Variants in ABCA5 observed in about 807,000 individuals in gnomAD.
ABCA5 encodes ATP binding cassette subfamily A member 5.
In ABCA5, 163 loss-of-function variants were observed where a neutral mutation model predicts 206.0. That is an observed-to-expected ratio of 0.79 (90% CI 0.70 to 0.90). The LOEUF is 0.90. ABCA5 is among the 40% of genes least tolerant of loss of function. ABCA5 has a pLI of 0.00. For synonymous variants in ABCA5, 609 were observed against 613.8 expected (o/e 0.99, Z 0.11); for missense variants, 1,859 against 1,912.9 (o/e 0.97, Z 0.53).
intron 22 of ABCA5, chr17:69,268,646 A>T (rs1488900912): frequency 1.3e-5 from 2 of 152,204 alleles, no homozygotes; most frequent in African/African-American, 2.4e-5. Context: ...AGATTACCCA[A>T]GTCCAAGGAT....
At chr17:69,258,880 A>G (rs2075113437) in intron 28 of ABCA5, among the ~76,000 whole-genome samples, 1 of 152,164 alleles carries the variant, frequency 6.6e-6, no homozygotes, top group African/African-American at 2.4e-5. Flanking sequence ...CATGTAAGCA[A>G]GGCTGGATAG....
chr17:69,300,804 T>G (rs553350778), intron 9 of ABCA5, among the ~76,000 whole-genome samples: 1 of 152,060 alleles, frequency 6.6e-6, no homozygotes, highest in Non-Finnish European at 1.5e-5. Flanking sequence ...AAGAAAATGG[T>G]AGGAGTTACA....
At chr17:69,267,143 G>A (rs2075218488) in intron 23 of ABCA5, among the ~76,000 whole-genome samples, 2 of 152,076 alleles carry the variant, frequency 1.3e-5, no homozygotes, top group South Asian at 4.1e-4. Context: ...CCAAAGTGCT[G>A]GGATTACAGG....
chr17:69,314,611 G>C, intron 1 of ABCA5, 181 bp from the exon 2 acceptor site: 1 of 496,730 alleles, frequency 2.0e-6, no homozygotes, highest in East Asian at 3.3e-5. Flanking sequence ...GCTCTGAAAA[G>C]TAAACAAGGC....
intron 34 of ABCA5, 150 bp from the exon 35 acceptor site, chr17:69,252,016 A>ACTTTTATATTCTTTTTTT (rs71144665): frequency 0.023 from 13,706 of 608,382 alleles, 390 homozygotes; most frequent in Middle Eastern, 0.032. Flanking sequence ...CCCAACTATG[A>ACTTTTATATTCTTTTTTT]TTTTTTTTTT....
chr17:69,310,600 C>T (rs1024216755), intron 3 of ABCA5, among the ~76,000 whole-genome samples: 1 of 152,092 alleles, frequency 6.6e-6, no homozygotes, highest in African/African-American at 2.4e-5. Context: ...ATTGCTTGTT[C>T]CTTTCTTAGA....
chr17:69,273,084 T>C (rs1190481321), intron 20 of ABCA5, among the ~76,000 whole-genome samples: 2 of 152,228 alleles, frequency 1.3e-5, no homozygotes, highest in Non-Finnish European at 2.9e-5. Context: ...GTTTTGAGCT[T>C]TGCTCAAGTC....
chr17:69,251,704 C>G, intron 35 of ABCA5, 43 bp downstream of exon 35: 1 of 1,580,516 alleles, frequency 6.3e-7, no homozygotes, highest in East Asian at 2.3e-5. Flanking sequence ...AAAATCCAAC[C>G]CCCAACCTCT....
chr17:69,322,363 CAAAAAAAAAAAAAAA>C (rs3029978), intron 1 of ABCA5, among the ~76,000 whole-genome samples: 7 of 52,382 alleles, frequency 1.3e-4, no homozygotes, highest in African/African-American at 5.8e-4. Context: ...GATTCCGTCT[CAAAAAAAAAAAAAAA>C]AAAAAAAAAG....
In ABCA5 at chr17:69,251,828, G is replaced by T. The variant is rs551514958; in HGVS notation, c.4454C>A (p.Ala1485Asp). 33 of 1,613,666 alleles carry T rather than the reference G, an allele frequency of 2.0e-5. No homozygotes were observed. Among genetic ancestry groups the T allele is most frequent in the Non-Finnish European group, 2.7e-5 (32 of 1,179,920 alleles). ...CATATAGTGAGTGGTCAGAATAGCAGCCCGCTTTCTGTTTTTAAATGCAGT... is the reference window on the plus strand; with the variant it reads ...CATATAGTGAGTGGTCAGAATAGCATCCCGCTTTCTGTTTTTAAATGCAGT... The part of the protein sequence containing the change: ...IRTAFKNRKR[A>D]AILTTHYMEE... Residue 1485 changes from alanine (A) to aspartate (D), a missense_variant, in exon 35 of 39, where the codon GCT becomes GAT. By Grantham distance (126) the Ala-to-Asp change is moderately radical (BLOSUM62 -2). Transcript: ENST00000392676.
At chr17:69,276,848 C>A (rs545614355) in intron 19 of ABCA5, among the ~76,000 whole-genome samples, 1 of 152,270 alleles carries the variant, frequency 6.6e-6, no homozygotes, top group Non-Finnish European at 1.5e-5. Flanking sequence ...AAACATTTTT[C>A]TTTCAGTAAT....
chr17:69,253,856 G>A lies in ABCA5; in HGVS notation c.4258C>T (p.Leu1420Phe), dbSNP rs200810054. Reference sequence around the variant, plus strand: ...TTCTGAAGATGTTCTTTTAAATCAAGTGCATGTGTTATTCTGCAAAATGAA... The same window carrying A: ...TTCTGAAGATGTTCTTTTAAATCAAATGCATGTGTTATTCTGCAAAATGAA... ...KEVISRITHA[L>F]DLKEHLQKTV... Residue 1420 changes from leucine (L) to phenylalanine (F), a missense_variant, in exon 33 of 39, where the codon CTT becomes TTT. Leu to Phe is a conservative substitution (Grantham distance 22). Coordinates refer to ENST00000392676, the MANE Select transcript of ABCA5 (RefSeq NM_172232.4). 146 of 1,611,366 alleles carry A rather than the reference G, an allele frequency of 9.1e-5. No individual in the cohort carries two copies. The highest frequency in any genetic ancestry group is 1.2e-4 in the Non-Finnish European group (136 of 1,179,084).
chr17:69,293,184 A>ACACAG (rs1256386352), intron 11 of ABCA5, among the ~76,000 whole-genome samples: 1 of 119,412 alleles, frequency 8.4e-6, no homozygotes, highest in Non-Finnish European at 2.0e-5. Context: ...CACACACACA[A>ACACAG]TGGAGCAAGT....
At position 69,261,269 on chromosome 17, in the gene ABCA5, AAAAT is replaced by A. The variant is rs774082937; in HGVS notation, c.3430-14_3430-11del. On this transcript the variant is annotated splice_polypyrimidine_tract_variant and intron_variant, in intron 25 of 38. Coordinates refer to ENST00000392676, the MANE Select transcript of ABCA5 (RefSeq NM_172232.4). ...TACAAGCCAACGCTGCCTAAAGAAA[AAAAT>A]AAATAAATAAAAGTGACAAAGTGTT... The A allele has an allele frequency of 2.5e-5, 39 of 1,581,078 alleles. No homozygotes were observed. Among genetic ancestry groups the A allele is most frequent in the Middle Eastern group, 1.7e-4 (1 of 5,886 alleles).
Position 69,302,807 on chromosome 17 carries a change from TA to T in ABCA5, c.1029del (p.Met344Ter). On this transcript the variant is annotated frameshift_variant, in exon 8 of 39. Coordinates refer to ENST00000392676, the MANE Select transcript of ABCA5 (RefSeq NM_172232.4). LOFTEE classifies it high-confidence loss of function. ...FVTVAFGFIG[L>X]MIILIESFPK... ...GGAAAACTTTCTATGAGGATTATCA[TA>T]AGGCCAATAAATCCAAAAGCCACAG... The T allele has an allele frequency of 6.2e-7, 1 of 1,600,260 alleles. No individual in the cohort carries two copies. The highest frequency in any genetic ancestry group is 1.3e-5 in the African/African-American group (1 of 74,198).
intron 20 of ABCA5, 25 bp from the exon 21 acceptor site, chr17:69,271,314 A>G: frequency 1.3e-6 from 2 of 1,594,088 alleles, no homozygotes. Flanking sequence ...TAAGCAAATA[A>G]TAAAAAATGA....
intron 14 of ABCA5, 99 bp from the exon 15 acceptor site, chr17:69,287,850 A>G (rs1417831190): frequency 8.8e-7 from 1 of 1,134,676 alleles, no homozygotes; most frequent in African/African-American, 1.6e-5. Context: ...TCAAATTATT[A>G]TTTTCAATCA....
At chr17:69,285,458 T>C (rs551064031) in intron 17 of ABCA5, 2 of 152,274 alleles carry the variant, frequency 1.3e-5, no homozygotes, top group South Asian at 4.1e-4. Context: ...AGTTCCTCAT[T>C]AAAAAATTAA....
At chr17:69,289,799 G>T in intron 13 of ABCA5, 63 bp downstream of exon 13, 2 of 1,286,342 alleles carry the variant, frequency 1.6e-6, no homozygotes, top group Non-Finnish European at 2.2e-6. Flanking sequence ...TATTGCACAA[G>T]TCATTACAAA....
Sources: gnomAD v4.1 joint callset for allele counts (sites outside exome capture counted in the v4.1 genomes callset) on GRCh38, gnomAD v4.1.1 for gene constraint, MANE v1.5 for transcripts, NCBI Gene and HGNC (gene_info 2026-07-23, HGNC 2026-07-21) for gene names.